The following FAM168A variants were observed in gnomAD, a reference collection of about 807,000 sequenced individuals.
The protein encoded by FAM168A is family with sequence similarity 168 member A.
Under a neutral mutation model 28.5 loss-of-function variants are expected in FAM168A, and 3 were observed. That is an observed-to-expected ratio of 0.11 (90% CI 0.05 to 0.27). The LOEUF (loss-of-function observed/expected upper bound fraction) is 0.27, where lower values mean the gene tolerates loss of function less well. Ranked by LOEUF, FAM168A falls within the 10% of genes least tolerant of loss-of-function variation. The probability of loss-of-function intolerance (pLI) is 1.00; values close to 1 mark genes in which losing one functional copy is unlikely to be tolerated. For missense variants in FAM168A, 222 were observed against 311.5 expected (o/e 0.71, Z 2.16); for synonymous variants, 122 against 124.2 (o/e 0.98, Z 0.12).
chr11:73,508,680 G>A (rs751437235), intron 1 of FAM168A, among the ~76,000 whole-genome samples: 23 of 151,964 alleles, frequency 1.5e-4, no homozygotes, highest in African/African-American at 4.8e-4. Context: ...GTGTGTGCAC[G>A]CACACATGCC....
At chr11:73,445,457 A>G (rs566131485) in intron 2 of FAM168A, among the ~76,000 whole-genome samples, 1 of 88,936 alleles carries the variant, frequency 1.1e-5, no homozygotes, top group East Asian at 2.8e-4. Flanking sequence ...TTTGGTAGAG[A>G]CAGGGTCTCA....
chr11:73,430,646 C>T (rs182226579), intron 3 of FAM168A, 44 bp downstream of exon 3: 63 of 1,557,840 alleles, frequency 4.0e-5, no homozygotes, highest in Admixed American at 3.0e-4. Flanking sequence ...AATAGAGTCC[C>T]CCTTCCCACT....
intron 1 of FAM168A, among the ~76,000 whole-genome samples, chr11:73,484,433 C>T (rs753914086): frequency 6.6e-5 from 10 of 151,000 alleles, no homozygotes; most frequent in Non-Finnish European, 1.3e-4. Context: ...ACCAACTACA[C>T]ACTACAGGTA....
intron 1 of FAM168A, among the ~76,000 whole-genome samples, chr11:73,594,266 AT>A (rs749019478): frequency 1.4e-3 from 195 of 142,628 alleles, no homozygotes; most frequent in Middle Eastern, 3.5e-3. Flanking sequence ...CACCCAGCAA[AT>A]TTTTTTTTTT....
intron 1 of FAM168A, among the ~76,000 whole-genome samples, chr11:73,498,183 G>A (rs1006862062): frequency 6.6e-6 from 1 of 152,158 alleles, no homozygotes; most frequent in Non-Finnish European, 1.5e-5. Flanking sequence ...AACATAATAA[G>A]TATGTGAATC....
Position 73,514,203 on chromosome 11 carries a change from G to T in FAM168A, c.-18-45711C>A, listed in dbSNP as rs80082135. Among the ~76,000 whole-genome samples, 1,488 of 152,094 alleles carry T rather than the reference G, an allele frequency of 9.8e-3. 29 individuals carry two copies. Among genetic ancestry groups the T allele is most frequent in the African/African-American group, 0.033 (1,387 of 41,468 alleles). ...GTAGTGAGCAGGCCACTGTACTCCA[G>T]CCTGGGCAACAGAGTGAGACCCTCT... is the stretch of plus-strand genomic sequence containing the variant. On this transcript the variant is annotated intron_variant, in intron 1 of 7. Transcript: ENST00000356467.
At chr11:73,420,498 T>C (rs1473831828) in intron 3 of FAM168A, among the ~76,000 whole-genome samples, 2 of 152,240 alleles carry the variant, frequency 1.3e-5, no homozygotes, top group Admixed American at 6.5e-5. Flanking sequence ...TACCATCTCT[T>C]CTGAAGGGAC....
chr11:73,559,216 T>C (rs2134702569), intron 1 of FAM168A, among the ~76,000 whole-genome samples: 1 of 152,308 alleles, frequency 6.6e-6, no homozygotes, highest in South Asian at 2.1e-4. Context: ...GAGACCGGCC[T>C]GGCCAACATG....
At chr11:73,595,139 C>T (rs1303159724) in intron 1 of FAM168A, among the ~76,000 whole-genome samples, 2 of 152,170 alleles carry the variant, frequency 1.3e-5, no homozygotes, top group Non-Finnish European at 2.9e-5. Flanking sequence ...AACATCCCAC[C>T]TCTAGACCAA....
intron 1 of FAM168A, among the ~76,000 whole-genome samples, chr11:73,552,486 T>C (rs1943840846): frequency 6.6e-6 from 1 of 152,232 alleles, no homozygotes; most frequent in South Asian, 2.1e-4. Flanking sequence ...GCCTGGCACA[T>C]AGTAGGCAAG....
rs1170729722 is a variant in FAM168A, at chr11:73,406,454, C to T, written c.*309G>A. The T allele has an allele frequency of 1.3e-5, 2 of 152,124 alleles. No homozygotes were observed. Among genetic ancestry groups the T allele is most frequent in the African/African-American group, 4.8e-5 (2 of 41,348 alleles). 9.4% of individuals were successfully genotyped at this position (152,124 alleles called of 1,614,324 possible). On this transcript the variant is annotated 3_prime_UTR_variant, in exon 8 of 8. Transcript: ENST00000356467. Reference sequence around the variant, plus strand: ...CTGCTTGCCTCTAGACTGGGATCCCCAGGGACAGGACACTTAGGGAAGAGC... The same window carrying T: ...CTGCTTGCCTCTAGACTGGGATCCCTAGGGACAGGACACTTAGGGAAGAGC...
At chr11:73,437,311 T>G (rs1218978402) in intron 2 of FAM168A, among the ~76,000 whole-genome samples, 1 of 151,694 alleles carries the variant, frequency 6.6e-6, no homozygotes, top group African/African-American at 2.4e-5. Flanking sequence ...TTGGCCAAGC[T>G]GGTATTGAAC....
At chr11:73,571,243 C>T (rs1052658895) in intron 1 of FAM168A, among the ~76,000 whole-genome samples, 2,102 of 112,710 alleles carry the variant, frequency 0.019, 120 homozygotes, top group African/African-American at 0.079. Flanking sequence ...CTCCCCCCCC[C>T]CTCCCCACAG....
rs138345432 is a variant in FAM168A at position 73,588,682 on chromosome 11, G to A, written c.-19+9241C>T. 2.5e-3 allele frequency among the ~76,000 whole-genome samples: 377 copies of A among 152,062 alleles called. 4 individuals carry two copies. The highest frequency in any genetic ancestry group is 0.011 in the East Asian group (59 of 5,182). On this transcript the variant is annotated intron_variant, in intron 1 of 7. Transcript: ENST00000356467. Reference sequence around the variant, plus strand: ...ACCACTGCACTCCAGTGTGAAACCCGGTCTCAAAAAAGATGCTCCACAATA... The same window carrying A: ...ACCACTGCACTCCAGTGTGAAACCCAGTCTCAAAAAAGATGCTCCACAATA...
intron 1 of FAM168A, among the ~76,000 whole-genome samples, chr11:73,578,893 C>T (rs1288501380): frequency 6.6e-6 from 1 of 152,180 alleles, no homozygotes; most frequent in Non-Finnish European, 1.5e-5. Flanking sequence ...AATAGCAATG[C>T]TATCCATCTT....
chr11:73,416,852 G>A (rs1866702745), intron 4 of FAM168A, among the ~76,000 whole-genome samples: 1 of 152,120 alleles, frequency 6.6e-6, no homozygotes, highest in Non-Finnish European at 1.5e-5. Context: ...AGGCTGCGGA[G>A]GGAGGATTGC....
intron 1 of FAM168A, among the ~76,000 whole-genome samples, chr11:73,528,145 CTG>C (rs1487232644): frequency 6.6e-6 from 1 of 152,142 alleles, no homozygotes; most frequent in Non-Finnish European, 1.5e-5. Context: ...TTGATGAAAA[CTG>C]TCTCCTAGAA....
chr11:73,495,340 A>C (rs1172771324), intron 1 of FAM168A, among the ~76,000 whole-genome samples: 1 of 152,166 alleles, frequency 6.6e-6, no homozygotes, highest in African/African-American at 2.4e-5. Flanking sequence ...AAATTAAATA[A>C]ATAAATAAAT....
intron 1 of FAM168A, among the ~76,000 whole-genome samples, chr11:73,579,247 T>C (rs536266507): frequency 1.3e-5 from 2 of 152,334 alleles, no homozygotes; most frequent in East Asian, 3.9e-4. Flanking sequence ...GCACTACCAT[T>C]TTCTGAAATC....
Sources: allele counts gnomAD v4.1 joint callset (sites outside exome capture counted in the v4.1 genomes callset), GRCh38; gene constraint gnomAD v4.1.1; transcripts MANE v1.5; gene names NCBI Gene and HGNC (gene_info 2026-07-23, HGNC 2026-07-21).